IQGAP2: variants seen among roughly 807,000 people sequenced by gnomAD.
IQGAP2 encodes ras GTPase-activating-like protein IQGAP2.
Under a neutral mutation model 201.3 loss-of-function variants are expected in IQGAP2, and 173 were observed. The ratio of observed to expected loss-of-function variants is 0.86; its 90% CI spans 0.76 to 0.98. The LOEUF (loss-of-function observed/expected upper bound fraction) is 0.98, where lower values mean the gene tolerates loss of function less well. IQGAP2 is among the 50% of genes least tolerant of loss of function. IQGAP2 has a pLI of 0.00. For synonymous variants in IQGAP2, 675 were observed against 673.9 expected, an observed-to-expected ratio of 1.00 and a Z score of -0.03; for missense variants, 1,687 against 1,864.8, an observed-to-expected ratio of 0.90 and a Z score of 1.76.
At chr5:76,467,493 A>G (rs1754844014) in intron 2 of IQGAP2, among the ~76,000 whole-genome samples, 1 of 152,184 alleles carries the variant, frequency 6.6e-6, no homozygotes, top group Non-Finnish European at 1.5e-5. Context: ...ACAATAACAA[A>G]TGTTAGTGAG....
chr5:76,533,937 C>T (rs997474095), intron 2 of IQGAP2, among the ~76,000 whole-genome samples: 11 of 152,202 alleles, frequency 7.2e-5, no homozygotes, highest in African/African-American at 2.4e-4. Flanking sequence ...TTTCTCCCAG[C>T]TTGGCCTTGT....
intron 1 of IQGAP2, among the ~76,000 whole-genome samples, chr5:76,423,151 A>G (rs1751815446): frequency 6.6e-6 from 1 of 152,354 alleles, no homozygotes; most frequent in African/African-American, 2.4e-5. Context: ...AATTACCACT[A>G]ATCAACTCAG....
At chr5:76,626,030 G>T (rs1750188154) in intron 13 of IQGAP2, among the ~76,000 whole-genome samples, 1 of 152,146 alleles carries the variant, frequency 6.6e-6, no homozygotes, top group Non-Finnish European at 1.5e-5. Context: ...AGGACCATCA[G>T]AATCAACCCA....
intron 2 of IQGAP2, among the ~76,000 whole-genome samples, chr5:76,523,204 C>A (rs1272716959): frequency 6.6e-6 from 1 of 151,176 alleles, no homozygotes; most frequent in Non-Finnish European, 1.5e-5. Flanking sequence ...CCCAGTTCAG[C>A]CTCCCAAGTA....
chr5:76,683,364 G>T, intron 29 of IQGAP2, 147 bp downstream of exon 29: 1 of 565,794 alleles, frequency 1.8e-6, no homozygotes, highest in South Asian at 2.5e-5. Context: ...AACTACACTT[G>T]CCCCTTCCTA....
intron 2 of IQGAP2, among the ~76,000 whole-genome samples, chr5:76,547,254 G>C (rs1743154657): frequency 6.6e-6 from 1 of 152,182 alleles, no homozygotes; most frequent in Admixed American, 6.5e-5. Flanking sequence ...TGTAGTTTAA[G>C]GGGAGGAAGA....
intron 1 of IQGAP2, among the ~76,000 whole-genome samples, chr5:76,443,244 C>T (rs1455113343): frequency 6.6e-6 from 1 of 152,160 alleles, no homozygotes; most frequent in East Asian, 1.9e-4. Context: ...TACAGAACCT[C>T]ATTTCAACAT....
intron 5 of IQGAP2, among the ~76,000 whole-genome samples, chr5:76,588,200 A>G (rs1746382337): frequency 6.6e-6 from 1 of 152,172 alleles, no homozygotes; most frequent in African/African-American, 2.4e-5. Context: ...TCTCATATAT[A>G]CTATTACTTG....
intron 1 of IQGAP2, among the ~76,000 whole-genome samples, chr5:76,431,165 G>A (rs1411089504): frequency 6.6e-6 from 1 of 151,970 alleles, no homozygotes; most frequent in African/African-American, 2.4e-5. Context: ...TAGGACTTGG[G>A]TGGGTAATAG....
chr5:76,461,663 C>A lies in IQGAP2; in HGVS notation c.140C>A (p.Ala47Asp). The change falls in exon 2 of 36, where the codon GCC becomes GAC. Residue 47 changes from alanine to aspartate, a missense_variant. Ala to Asp is a moderately radical substitution (Grantham distance 126, BLOSUM62 -2). Transcript: ENST00000274364. ...AYEYLCHLEE[A>D]KRWMEVCLVE... ...GAATATCTGTGCCACTTAGAGGAAG[C>A]CAAAAGGTAAGATCCAGACTTAGTC... 1 of 1,609,306 alleles carries A rather than the reference C, an allele frequency of 6.2e-7. No individual in the cohort carries two copies. Among genetic ancestry groups the A allele is most frequent in the Admixed American group, 1.7e-5 (1 of 60,004 alleles).
At chr5:76,564,216 A>G (rs936105127) in intron 3 of IQGAP2, among the ~76,000 whole-genome samples, 5 of 152,256 alleles carry the variant, frequency 3.3e-5, no homozygotes, top group Non-Finnish European at 7.3e-5. Flanking sequence ...AGAGAAGCCC[A>G]GAAAAAGACC....
At chr5:76,641,777 G>A (rs1477895959) in intron 17 of IQGAP2, among the ~76,000 whole-genome samples, 2 of 152,074 alleles carry the variant, frequency 1.3e-5, no homozygotes, top group Non-Finnish European at 2.9e-5. Context: ...GAGTTCAAAG[G>A]GGTATTATTA....
intron 17 of IQGAP2, 27 bp from the exon 18 acceptor site, chr5:76,652,722 TA>T: frequency 6.7e-7 from 1 of 1,496,246 alleles, no homozygotes; most frequent in South Asian, 1.1e-5. Context: ...TGCTGGTAAA[TA>T]ATTCTATAAC....
At chr5:76,491,302 T>C (rs1420429602) in intron 2 of IQGAP2, among the ~76,000 whole-genome samples, 1 of 152,164 alleles carries the variant, frequency 6.6e-6, no homozygotes, top group African/African-American at 2.4e-5. Context: ...AGTGGAAAGA[T>C]TAGGAAGATG....
intron 1 of IQGAP2, among the ~76,000 whole-genome samples, chr5:76,430,191 ACC>A (rs1752286000): frequency 6.6e-6 from 1 of 152,138 alleles, no homozygotes. Context: ...GTGGAATAAA[ACC>A]ACCACCATCT....
At chr5:76,528,168 T>G (rs955368807) in intron 2 of IQGAP2, among the ~76,000 whole-genome samples, 1 of 152,202 alleles carries the variant, frequency 6.6e-6, no homozygotes, top group Non-Finnish European at 1.5e-5. Context: ...GTCCTTTCAC[T>G]GTGGAATTTT....
chr5:76,491,537 C>T (rs1756538477), intron 2 of IQGAP2, among the ~76,000 whole-genome samples: 1 of 152,120 alleles, frequency 6.6e-6, no homozygotes, highest in African/African-American at 2.4e-5. Context: ...CTCTTGGGCT[C>T]AAGTGATCCT....
chr5:76,414,570 C>T (rs1751312192), intron 1 of IQGAP2, among the ~76,000 whole-genome samples: 1 of 152,174 alleles, frequency 6.6e-6, no homozygotes, highest in African/African-American at 2.4e-5. Flanking sequence ...CCTGTAATCC[C>T]AGCACTTTGG....
chr5:76,653,901 T>C (rs1356475361), intron 18 of IQGAP2, among the ~76,000 whole-genome samples: 2 of 152,238 alleles, frequency 1.3e-5, no homozygotes. Context: ...CCTTCTGGCT[T>C]TTATTTACTG....
Sources: gnomAD v4.1 joint callset for allele counts (sites outside exome capture counted in the v4.1 genomes callset) on GRCh38, gnomAD v4.1.1 for gene constraint, MANE v1.5 for transcripts, NCBI Gene and HGNC (gene_info 2026-07-23, HGNC 2026-07-21) for gene names.